Variants in BTBD8 observed in about 807,000 individuals in gnomAD.
BTBD8 encodes BTB/POZ domain-containing protein 8.
Under a neutral mutation model 162.9 loss-of-function variants are expected in BTBD8, and 110 were observed. That is an observed-to-expected ratio of 0.68 (90% CI 0.58 to 0.79). The LOEUF is 0.79. Ranked by LOEUF, BTBD8 falls within the 30% of genes least tolerant of loss-of-function variation. The probability of loss-of-function intolerance (pLI) is 0.00; values close to 1 mark genes in which losing one functional copy is unlikely to be tolerated. For missense variants in BTBD8, 1,905 were observed against 2,085.4 expected, an observed-to-expected ratio of 0.91 and a Z score of 1.68; for synonymous variants, 667 against 716.1, an observed-to-expected ratio of 0.93 and a Z score of 1.10.
intron 9 of BTBD8, among the ~76,000 whole-genome samples, chr1:92,150,338 G>A (rs1650017401): frequency 6.6e-6 from 1 of 152,080 alleles, no homozygotes; most frequent in Admixed American, 6.6e-5. Flanking sequence ...AACAAGATAA[G>A]TACCCAGTTT....
intron 5 of BTBD8, among the ~76,000 whole-genome samples, chr1:92,131,852 A>G (rs1022318581): frequency 4.3e-4 from 66 of 152,082 alleles, no homozygotes; most frequent in African/African-American, 1.5e-3. Flanking sequence ...GGGACTATAG[A>G]TGTGTACTCC....
chr1:92,088,162 C>T (rs1476687386), intron 1 of BTBD8, among the ~76,000 whole-genome samples: 2 of 152,138 alleles, frequency 1.3e-5, no homozygotes. Flanking sequence ...TTGACAGCCA[C>T]ACCTGGATTT....
At chr1:92,090,774 AC>A (rs1168515618) in intron 2 of BTBD8, among the ~76,000 whole-genome samples, 2 of 152,094 alleles carry the variant, frequency 1.3e-5, no homozygotes, top group Non-Finnish European at 2.9e-5. Flanking sequence ...CATTAAAAAC[AC>A]GAAAAAATTA....
At chr1:92,162,210 G>A (rs538863394) in intron 9 of BTBD8, among the ~76,000 whole-genome samples, 2 of 152,300 alleles carry the variant, frequency 1.3e-5, no homozygotes, top group South Asian at 4.2e-4. Context: ...GATTCTGACA[G>A]CACTTTCCCT....
chr1:92,147,070 G>T (rs1649942222), intron 7 of BTBD8, 110 bp from the exon 8 acceptor site: 1 of 642,228 alleles, frequency 1.6e-6, no homozygotes, highest in African/African-American at 1.9e-5. Context: ...ATTTTGAGTT[G>T]TATGTGTTCT....
intron 5 of BTBD8, among the ~76,000 whole-genome samples, chr1:92,136,825 AT>A (rs1435497068): frequency 6.6e-6 from 1 of 152,218 alleles, no homozygotes; most frequent in East Asian, 1.9e-4. Flanking sequence ...TAATAGTGGT[AT>A]CTGCTGTAGA....
intron 2 of BTBD8, among the ~76,000 whole-genome samples, chr1:92,094,309 T>A (rs1251490904): frequency 6.6e-6 from 1 of 152,338 alleles, no homozygotes. Context: ...TAGAAAGCAC[T>A]TGTGACGTAC....
intron 9 of BTBD8, among the ~76,000 whole-genome samples, chr1:92,153,906 T>G (rs1393299719): frequency 1.3e-5 from 2 of 152,196 alleles, no homozygotes; most frequent in African/African-American, 4.8e-5. Flanking sequence ...CCAAGTCTCA[T>G]GTTGAAATGT....
chr1:92,101,466 A>G (rs1288080501), intron 2 of BTBD8, among the ~76,000 whole-genome samples: 1 of 152,284 alleles, frequency 6.6e-6, no homozygotes, highest in East Asian at 1.9e-4. Flanking sequence ...AATATTCATG[A>G]CAGCTCCCGC....
intron 4 of BTBD8, among the ~76,000 whole-genome samples, chr1:92,120,022 T>C (rs1649160366): frequency 6.7e-6 from 1 of 148,644 alleles, no homozygotes; most frequent in African/African-American, 2.5e-5. Flanking sequence ...TGCCTCAGCC[T>C]CTCGAGTAGC....
chr1:92,136,073 A>G (rs888500016), intron 5 of BTBD8, among the ~76,000 whole-genome samples: 4 of 152,194 alleles, frequency 2.6e-5, no homozygotes, highest in Non-Finnish European at 5.9e-5. Flanking sequence ...TAAGTATTAA[A>G]GATGCAGAAT....
chr1:92,177,082 T>C lies in BTBD8; in HGVS notation c.1889T>C (p.Val630Ala). The C allele has an allele frequency of 6.4e-7, 1 of 1,551,588 alleles. No individual in the cohort carries two copies. The highest frequency in any genetic ancestry group is 1.2e-5 in the South Asian group (1 of 84,040). ...TKELKTGGKN[V>A]SGKPKTVTKS... ...GAACTAAAAACTGGGGGAAAAAATG[T>C]TTCTGGAAAGCCCAAAACTGTAACA... The change falls in exon 14 of 18, where the codon GTT (valine) becomes GCT (alanine). Residue 630 changes from valine (V) to alanine (A), a missense_variant. Coordinates refer to ENST00000636805, the MANE Select transcript of BTBD8 (RefSeq NM_001376131.1).
At chr1:92,137,847 A>C (rs1316180561) in intron 5 of BTBD8, among the ~76,000 whole-genome samples, 1 of 152,228 alleles carries the variant, frequency 6.6e-6, no homozygotes, top group African/African-American at 2.4e-5. Flanking sequence ...TCAAAATAAA[A>C]TATAGAGACA....
Position 92,177,333 on chromosome 1 carries a change from G to C in BTBD8, c.2140G>C (p.Gly714Arg). 2 of 1,551,828 alleles carry C rather than the reference G, an allele frequency of 1.3e-6. No homozygotes were observed. The highest frequency in any genetic ancestry group is 1.7e-6 in the Non-Finnish European group (2 of 1,147,014). ...AKAKPLKKAT[G>R]KDSPCLSIAG... The stretch of plus-strand genomic sequence containing the variant: ...AGCAAAGCCTTTGAAGAAAGCTACA[G>C]GGAAGGATTCACCATGCCTCAGCAT... The change falls in exon 14 of 18, where the codon GGG becomes CGG. Residue 714 changes from glycine to arginine, a missense_variant. Physicochemically the swap from Gly to Arg is moderately radical, Grantham distance 125. Coordinates refer to ENST00000636805, the MANE Select transcript of BTBD8 (RefSeq NM_001376131.1).
chr1:92,082,688 C>G (rs574658783), intron 1 of BTBD8, among the ~76,000 whole-genome samples: 1 of 152,262 alleles, frequency 6.6e-6, no homozygotes, highest in South Asian at 2.1e-4. Context: ...TCCTAGGTTA[C>G]CTGACGTGAC....
chr1:92,094,447 C>A (rs1257503081), intron 2 of BTBD8, among the ~76,000 whole-genome samples: 1 of 152,172 alleles, frequency 6.6e-6, no homozygotes, highest in Admixed American at 6.5e-5. Flanking sequence ...AAAATAATTT[C>A]TTGAATTTTT....
intron 13 of BTBD8, among the ~76,000 whole-genome samples, chr1:92,173,136 G>T (rs547806101): frequency 1.2e-3 from 183 of 152,226 alleles, no homozygotes; most frequent in African/African-American, 4.1e-3. Context: ...TGTTGTTCAG[G>T]CTGGTCTCGA....
chr1:92,080,375 G>A lies in BTBD8; in HGVS notation c.-197G>A, dbSNP rs937611594. Reference sequence around the variant, plus strand: ...TGGGTCAAGAGCCGGCTCGGTTCTGGGATTCTGAGGCTCCCCACCGCGGTC... The same window carrying A: ...TGGGTCAAGAGCCGGCTCGGTTCTGAGATTCTGAGGCTCCCCACCGCGGTC... On this transcript the variant is annotated 5_prime_UTR_variant, in exon 1 of 18. Transcript: ENST00000636805. 2.8e-6 allele frequency: 2 copies of A among 718,184 alleles called. No homozygotes were observed. The highest frequency in any genetic ancestry group is 2.0e-5 in the South Asian group (1 of 50,268). The allele number at this position is 718,184 out of a possible 1,614,324, so 44.5% of individuals were successfully genotyped here. A position where few individuals can be genotyped will look rare whatever the true frequency, so the allele number is the denominator to read the frequency against.
At chr1:92,145,798 G>C (rs866313136) in intron 7 of BTBD8, among the ~76,000 whole-genome samples, 2 of 152,134 alleles carry the variant, frequency 1.3e-5, no homozygotes, top group East Asian at 3.9e-4. Flanking sequence ...TGACCAACAT[G>C]GTGAAACCCC....
Sources: gnomAD v4.1 joint callset for allele counts (sites outside exome capture counted in the v4.1 genomes callset) on GRCh38, gnomAD v4.1.1 for gene constraint, MANE v1.5 for transcripts, NCBI Gene and HGNC (gene_info 2026-07-23, HGNC 2026-07-21) for gene names.